Variants in CACNA1A observed in about 807,000 individuals in gnomAD.
CACNA1A encodes calcium voltage-gated channel subunit alpha1 A.
CACNA1A carries 57 observed loss-of-function variants against 262.4 expected under a neutral mutation model. That is an observed-to-expected ratio of 0.22 (90% confidence interval 0.18 to 0.27). The LOEUF is 0.27. Among genes scored for constraint, CACNA1A ranks in the 10% least tolerant of loss-of-function variants. The pLI is 1.00. For missense variants in CACNA1A, 2,526 were observed against 3,562.8 expected (o/e 0.71, Z 7.41); for synonymous variants, 1,431 against 1,419.3 (o/e 1.01, Z -0.18).
At chr19:13,316,920 T>A in intron 11 of CACNA1A, 192 bp downstream of exon 11, 1 of 509,682 alleles carries the variant, frequency 2.0e-6, no homozygotes, top group South Asian at 3.5e-5. Flanking sequence ...CTCTCAGGTC[T>A]AAGGGAGATG....
chr19:13,343,542 G>A (rs989542105), intron 6 of CACNA1A, among the ~76,000 whole-genome samples: 1 of 152,030 alleles, frequency 6.6e-6, no homozygotes, highest in African/African-American at 2.4e-5. Flanking sequence ...CTTCTCATCA[G>A]CACATGGACA....
intron 3 of CACNA1A, among the ~76,000 whole-genome samples, chr19:13,373,141 A>G (rs2059352868): frequency 6.6e-6 from 1 of 152,212 alleles, no homozygotes; most frequent in Admixed American, 6.5e-5. Context: ...GTCACAGCAA[A>G]TAACTTGGGG....
intron 43 of CACNA1A, chr19:13,211,651 CGTGT>C (rs373714624): frequency 2.0e-5 from 4 of 196,780 alleles, no homozygotes; most frequent in Admixed American, 5.3e-5. Context: ...CGTGCACACA[CGTGT>C]GTGTATGCAA....
At chr19:13,275,269 A>G (rs2057117616) in intron 24 of CACNA1A, 1 of 155,266 alleles carries the variant, frequency 6.4e-6, no homozygotes, top group Non-Finnish European at 1.4e-5. Flanking sequence ...GATGACTACT[A>G]AGAGCTTGGG....
At chr19:13,476,614 G>C (rs1036716505) in intron 1 of CACNA1A, among the ~76,000 whole-genome samples, 1 of 152,150 alleles carries the variant, frequency 6.6e-6, no homozygotes, top group African/African-American at 2.4e-5. Context: ...GGGATGAAAT[G>C]TTCTGAGATT....
chr19:13,459,356 T>C lies in CACNA1A; in HGVS notation c.294-4144A>G, dbSNP rs150292720. ...GAGTCTGAAATAGAAACCCCCTCAG[T>C]AAAAGTCTCGGAAAGCCAGGAAAAC... On this transcript the variant is annotated intron_variant, in intron 1 of 46. Coordinates refer to ENST00000360228, the MANE Select transcript of CACNA1A (RefSeq NM_001127222.2). Among the ~76,000 whole-genome samples the C allele has an allele frequency of 1.2e-4, 18 of 152,176 alleles. No individual in the cohort carries two copies. In the East Asian group the frequency reaches 3.5e-3, roughly 29 times the overall value.
At chr19:13,376,601 CATAAT>C (rs934003679) in intron 3 of CACNA1A, among the ~76,000 whole-genome samples, 6 of 147,442 alleles carry the variant, frequency 4.1e-5, no homozygotes, top group East Asian at 2.0e-4. Flanking sequence ...ATATATAACA[CATAAT>C]ATATGTTATA....
In CACNA1A at chr19:13,308,375, C is replaced by T. The variant is rs1187464763; in HGVS notation, c.1781+41G>A. ...AGGCGGCCCCACCATGTCCCCCATC[C>T]CCACCCCCTGTACAAATGTCCAGGA... On this transcript the variant is annotated intron_variant, in intron 13 of 46. Transcript: ENST00000360228. This position sits in a 1 kb window ranked among gnomAD's most constrained non-coding sequence, Gnocchi z 4.2. 2 of 1,552,012 alleles carry T rather than the reference C, an allele frequency of 1.3e-6. No individual in the cohort carries two copies. Among genetic ancestry groups the T allele is most frequent in the African/African-American group, 1.4e-5 (1 of 73,680 alleles).
In CACNA1A at chr19:13,308,072, A is replaced by G. The variant is rs1465354306; in HGVS notation, c.1913+48T>C. ...GGTGGAGGGGACTGTGTGTTCCCTG[A>G]GCCTGACCCCAGGGAACCAGGAGTT... On this transcript the variant is annotated intron_variant, in intron 14 of 46. Coordinates refer to ENST00000360228, the MANE Select transcript of CACNA1A (RefSeq NM_001127222.2). The surrounding 1 kb of genome is among the most constrained non-coding windows in gnomAD (Gnocchi z 4.2). The G allele has an allele frequency of 6.2e-7, 1 of 1,608,026 alleles. No homozygotes were observed. The highest frequency in any genetic ancestry group is 8.5e-7 in the Non-Finnish European group (1 of 1,176,002).
intron 24 of CACNA1A, chr19:13,273,940 G>T (rs1280172948): frequency 6.7e-6 from 1 of 149,826 alleles, no homozygotes; most frequent in Non-Finnish European, 1.5e-5. Context: ...TAGAGATGGG[G>T]TCTCCCTATG....
intron 6 of CACNA1A, among the ~76,000 whole-genome samples, chr19:13,342,683 T>TCA (rs552261327): frequency 6.6e-5 from 10 of 152,308 alleles, no homozygotes; most frequent in Admixed American, 6.5e-4. Context: ...CATTGAACTT[T>TCA]CAGTGTGGGA....
chr19:13,464,591 C>T (rs1599314113), intron 1 of CACNA1A, among the ~76,000 whole-genome samples: 2 of 141,644 alleles, frequency 1.4e-5, no homozygotes, highest in Non-Finnish European at 3.0e-5. Flanking sequence ...CTCTTTCGCC[C>T]AGGCCAGACT....
At chr19:13,359,271 T>C (rs1271037393) in intron 6 of CACNA1A, among the ~76,000 whole-genome samples, 1 of 152,190 alleles carries the variant, frequency 6.6e-6, no homozygotes, top group Non-Finnish European at 1.5e-5. Context: ...CGTCCAAAGA[T>C]ATTACTCTAT....
chr19:13,498,402 A>G (rs542894887), intron 1 of CACNA1A, among the ~76,000 whole-genome samples: 25 of 152,260 alleles, frequency 1.6e-4, no homozygotes, highest in Non-Finnish European at 2.9e-4. Flanking sequence ...AACAGCATGA[A>G]TATTATTTAC....
At chr19:13,338,078 G>A (rs1013600739) in intron 6 of CACNA1A, among the ~76,000 whole-genome samples, 15 of 152,086 alleles carry the variant, frequency 9.9e-5, no homozygotes, top group Non-Finnish European at 1.6e-4. Flanking sequence ...AAAATTAGCC[G>A]GGCCTGGTGA....
At chr19:13,450,203 CTCTATCCCCAAT>C (rs1484040380) in intron 3 of CACNA1A, 1 of 150,544 alleles carries the variant, frequency 6.6e-6, no homozygotes, top group Non-Finnish European at 1.5e-5. Flanking sequence ...TCCATTACTT[CTCTATCCCCAAT>C]TCTCCCCATT....
chr19:13,330,409 C>T (rs2058447141), intron 9 of CACNA1A, 76 bp from the exon 10 acceptor site: 4 of 1,055,804 alleles, frequency 3.8e-6, no homozygotes, highest in South Asian at 2.7e-5. Flanking sequence ...CACAGTGTGT[C>T]CTTGGATTTA....
At chr19:13,345,872 T>C (rs980595876) in intron 6 of CACNA1A, among the ~76,000 whole-genome samples, 1 of 148,660 alleles carries the variant, frequency 6.7e-6, no homozygotes, top group Non-Finnish European at 1.5e-5. Context: ...TCATAAATTA[T>C]ATAGGCTGTC....
intron 2 of CACNA1A, among the ~76,000 whole-genome samples, chr19:13,454,755 C>G (rs1306430401): frequency 6.6e-6 from 1 of 151,934 alleles, no homozygotes; most frequent in Non-Finnish European, 1.5e-5. Flanking sequence ...CAGTTTGAGA[C>G]CAGCCTAAGC....
Sources: allele counts gnomAD v4.1 joint callset (sites outside exome capture counted in the v4.1 genomes callset), GRCh38; gene constraint gnomAD v4.1.1; non-coding constraint Gnocchi (gnomAD v3.1); transcripts MANE v1.5; gene names NCBI Gene and HGNC (gene_info 2026-07-23, HGNC 2026-07-21).